Variants in FBXO40 observed in about 807,000 individuals in gnomAD.
FBXO40 encodes the protein F-box protein 40, also known as F-box only protein 40.
A neutral mutation model predicts 49.9 loss-of-function variants in FBXO40; 50 were observed. That is an observed-to-expected ratio of 1.00 (90% confidence interval 0.80 to 1.27). The LOEUF (loss-of-function observed/expected upper bound fraction) is 1.27. Among genes scored for constraint, FBXO40 ranks in the 50% most tolerant of loss-of-function variants. FBXO40 has a pLI of 0.00. For synonymous variants in FBXO40, 340 were observed against 320.2 expected, an observed-to-expected ratio of 1.06 and a Z score of -0.66; for missense variants, 895 against 870.1, an observed-to-expected ratio of 1.03 and a Z score of -0.36.
intron 3 of FBXO40, 24 bp from the exon 4 acceptor site, chr3:121,626,671 T>C (rs2049062731): frequency 1.2e-6 from 2 of 1,611,314 alleles, no homozygotes; most frequent in Non-Finnish European, 1.7e-6. Flanking sequence ...ATATTCACCT[T>C]TGAACTTCTA....
At chr3:121,611,416 A>G (rs562978365) in intron 1 of FBXO40, among the ~76,000 whole-genome samples, 45 of 152,220 alleles carry the variant, frequency 3.0e-4, no homozygotes, top group African/African-American at 8.2e-4. Context: ...ATGGTACTAT[A>G]CCTGGATGTG....
In FBXO40 at chr3:121,627,176, G is replaced by T; in HGVS notation, c.*266G>T. 7 of 429,038 alleles carry T rather than the reference G, an allele frequency of 1.6e-5. No homozygotes were observed. The highest frequency in any genetic ancestry group is 1.4e-4 in the South Asian group (5 of 35,978). The allele number at this position is 429,038 out of a possible 1,614,324, so 26.6% of individuals were successfully genotyped here. On this transcript the variant is annotated 3_prime_UTR_variant, in exon 4 of 4. Coordinates refer to ENST00000338040, the MANE Select transcript of FBXO40 (RefSeq NM_016298.4). ...TTTTTCTTTCTTTCTAAAATAGATT[G>T]GTCTGAGAAGAAAATAAGTAATTTG...
At chr3:121,609,106 TG>T (rs1434401329) in intron 1 of FBXO40, among the ~76,000 whole-genome samples, 11 of 152,134 alleles carry the variant, frequency 7.2e-5, no homozygotes, top group African/African-American at 2.4e-5. Flanking sequence ...TTTCTTGGTA[TG>T]GGGCTCTTGA....
At chr3:121,603,414 G>A (rs2048911079) in intron 1 of FBXO40, among the ~76,000 whole-genome samples, 2 of 152,248 alleles carry the variant, frequency 1.3e-5, no homozygotes, top group South Asian at 4.1e-4. Context: ...ATGCTCTGAT[G>A]TGCTCACTAA....
In FBXO40 at chr3:121,627,195, T is replaced by C; in HGVS notation, c.*285T>C. ...TAGATTGGTCTGAGAAGAAAATAAG[T>C]AATTTGAGGCCATTTGGAAGATGGG... On this transcript the variant is annotated 3_prime_UTR_variant, in exon 4 of 4. Transcript: ENST00000338040. The C allele has an allele frequency of 2.6e-6, 1 of 388,164 alleles. No individual in the cohort carries two copies. The highest frequency in any genetic ancestry group is 4.7e-6 in the Non-Finnish European group (1 of 211,524). The allele number at this position is 388,164 out of a possible 1,614,324, so 24.0% of individuals were successfully genotyped here. A position where few individuals can be genotyped will look rare whatever the true frequency, so the allele number is the denominator to read the frequency against.
intron 1 of FBXO40, among the ~76,000 whole-genome samples, chr3:121,616,651 A>G (rs2048999429): frequency 6.6e-6 from 1 of 152,260 alleles, no homozygotes; most frequent in South Asian, 2.1e-4. Flanking sequence ...CAAGCCGTCC[A>G]GGTGATCCTT....
At chr3:121,615,550 G>A (rs1322741600) in intron 1 of FBXO40, among the ~76,000 whole-genome samples, 1 of 135,888 alleles carries the variant, frequency 7.4e-6, no homozygotes, top group Non-Finnish European at 1.5e-5. Context: ...GCAACAGAGT[G>A]AGACTGTGTC....
intron 1 of FBXO40, among the ~76,000 whole-genome samples, chr3:121,602,602 C>G (rs1473165454): frequency 6.6e-6 from 1 of 152,192 alleles, no homozygotes; most frequent in Non-Finnish European, 1.5e-5. Context: ...ATCCAAGCTT[C>G]CATCGCATTC....
chr3:121,613,487 G>A (rs2048978771), intron 1 of FBXO40, among the ~76,000 whole-genome samples: 1 of 152,114 alleles, frequency 6.6e-6, no homozygotes, highest in Admixed American at 6.5e-5. Flanking sequence ...TGACATTCTG[G>A]GTCTAGAAAG....
intron 1 of FBXO40, among the ~76,000 whole-genome samples, chr3:121,595,629 G>T (rs1243789354): frequency 6.6e-6 from 1 of 152,154 alleles, no homozygotes; most frequent in Non-Finnish European, 1.5e-5. Flanking sequence ...TACTGGAATC[G>T]CAGCGTCGAA....
chr3:121,623,144 C>A lies in FBXO40; in HGVS notation c.1715C>A (p.Ser572Tyr), dbSNP rs142139104. The change falls in exon 3 of 4, where the codon TCT becomes TAT. Residue 572 changes from serine (S) to tyrosine (Y), a missense_variant. Physicochemically the swap from Ser to Tyr is moderately radical, Grantham distance 144. Transcript: ENST00000338040. ...LLGHGGKSQNSLTSLPLEILK... is the reference protein window; with the variant it reads ...LLGHGGKSQNYLTSLPLEILK... ...GGTCATGGAGGAAAAAGCCAGAATT[C>A]TTTAACCAGCCTGCCCCTGGAGATT... The A allele has an allele frequency of 2.5e-6, 4 of 1,614,076 alleles. No individual in the cohort carries two copies. The highest frequency in any genetic ancestry group is 1.3e-5 in the African/African-American group (1 of 74,910).
chr3:121,624,010 G>T (rs2049049189), intron 3 of FBXO40, among the ~76,000 whole-genome samples: 4 of 103,232 alleles, frequency 3.9e-5, no homozygotes, highest in Middle Eastern at 6.1e-3. Flanking sequence ...TTTTTTCTGA[G>T]ATGGAGTTTT....
chr3:121,606,855 A>G (rs2048934215), intron 1 of FBXO40, among the ~76,000 whole-genome samples: 1 of 152,166 alleles, frequency 6.6e-6, no homozygotes, highest in Non-Finnish European at 1.5e-5. Context: ...AATGAAGATG[A>G]TATTGGATTC....
intron 1 of FBXO40, among the ~76,000 whole-genome samples, chr3:121,594,949 T>A (rs1393310295): frequency 3.9e-5 from 6 of 152,246 alleles, no homozygotes; most frequent in Admixed American, 6.5e-5. Flanking sequence ...TAGTGTTGCA[T>A]GCACTAAAAA....
chr3:121,595,170 CTG>C (rs2048865067), intron 1 of FBXO40, among the ~76,000 whole-genome samples: 1 of 152,214 alleles, frequency 6.6e-6, no homozygotes, highest in Non-Finnish European at 1.5e-5. Flanking sequence ...CTGCCTGTCT[CTG>C]TAACCTCCAT....
chr3:121,610,975 A>G (rs1338631455), intron 1 of FBXO40, among the ~76,000 whole-genome samples: 2 of 152,192 alleles, frequency 1.3e-5, no homozygotes, highest in Admixed American at 1.3e-4. Flanking sequence ...GATAGATGTC[A>G]TGCCCCTGGT....
At chr3:121,608,112 C>T (rs558585468) in intron 1 of FBXO40, among the ~76,000 whole-genome samples, 2 of 152,340 alleles carry the variant, frequency 1.3e-5, no homozygotes, top group South Asian at 4.1e-4. Context: ...TTAACTGGCT[C>T]TTTTAGTGCA....
At position 121,622,109 on chromosome 3, in the gene FBXO40, C is replaced by A; in HGVS notation, c.680C>A (p.Ala227Glu). 6.2e-7 allele frequency: 1 copy of A among 1,614,220 alleles called. No individual in the cohort carries two copies. Residue 227 changes from alanine (A) to glutamate (E), a missense_variant, in exon 3 of 4, where the codon GCA (alanine) becomes GAA (glutamate). Transcript: ENST00000338040. ...QWENIFSKEHAASALTNSSAS... is the reference protein window; with the variant it reads ...QWENIFSKEHEASALTNSSAS... The stretch of plus-strand genomic sequence containing the variant: ...GAAAATATTTTCAGCAAAGAGCACG[C>A]AGCCTCTGCTTTAACAAATTCATCA...
intron 1 of FBXO40, among the ~76,000 whole-genome samples, chr3:121,594,390 G>GCA (rs2048859665): frequency 6.9e-6 from 1 of 144,228 alleles, no homozygotes; most frequent in African/African-American, 2.6e-5. Flanking sequence ...TAGTAGAGAT[G>GCA]GGGTTTCACC....
Sources: allele counts gnomAD v4.1 joint callset (sites outside exome capture counted in the v4.1 genomes callset), GRCh38; gene constraint gnomAD v4.1.1; transcripts MANE v1.5; gene names NCBI Gene and HGNC (gene_info 2026-07-23, HGNC 2026-07-21).